Variants in ADAMTSL1 observed in about 807,000 individuals in gnomAD.
ADAMTSL1 encodes ADAMTS-like protein 1.
In ADAMTSL1, 126 loss-of-function variants were observed where a neutral mutation model predicts 201.8. The observed-to-expected ratio is 0.62, with a 90% CI of 0.54 to 0.72. The LOEUF (loss-of-function observed/expected upper bound fraction) is 0.72, where lower values mean the gene tolerates loss of function less well. Ranked by LOEUF, ADAMTSL1 falls within the 30% of genes least tolerant of loss-of-function variation. The pLI is 0.00. For synonymous variants in ADAMTSL1, 1,121 were observed against 903.4 expected (o/e 1.24, Z -4.32); for missense variants, 2,679 against 2,277.8 (o/e 1.18, Z -3.59).
At chr9:18,762,518 CTTTTT>C (rs954136770) in intron 16 of ADAMTSL1, among the ~76,000 whole-genome samples, 5 of 151,998 alleles carry the variant, frequency 3.3e-5, no homozygotes, top group African/African-American at 1.2e-4. Flanking sequence ...CAATTACACT[CTTTTT>C]AAGTTTTTTT....
intron 2 of ADAMTSL1, among the ~76,000 whole-genome samples, chr9:18,332,946 G>A (rs946391119): frequency 5.3e-5 from 8 of 152,092 alleles, no homozygotes; most frequent in Non-Finnish European, 1.0e-4. Flanking sequence ...ATCTGTAAGC[G>A]TATGAGGAAT....
intron 2 of ADAMTSL1, among the ~76,000 whole-genome samples, chr9:18,271,819 A>G (rs1296834794): frequency 6.6e-6 from 1 of 152,108 alleles, no homozygotes; most frequent in Non-Finnish European, 1.5e-5. Context: ...CTATTTCTCC[A>G]CATCCTCTCC....
In ADAMTSL1 at chr9:18,205,989, G is replaced by A. The variant is rs534643077; in HGVS notation, c.207+42008G>A. Among the ~76,000 whole-genome samples, 277 of 129,698 alleles carry A rather than the reference G, an allele frequency of 2.1e-3. 1 individual carries two copies. Among genetic ancestry groups the A allele is most frequent in the African/African-American group, 7.1e-3 (246 of 34,534 alleles). 85.1% of individuals were successfully genotyped at this position (129,698 alleles called of 152,430 possible). A position where few individuals can be genotyped will look rare whatever the true frequency, so the allele number is the denominator to read the frequency against. On this transcript the variant is annotated intron_variant, in intron 2 of 29. Transcript: ENST00000680146. ...GAATCACTTGAAACCGGGAGACAGA[G>A]TTTGCAGTGAGCTGAGATCACGTCA...
chr9:18,193,653 A>G (rs981688902), intron 2 of ADAMTSL1, among the ~76,000 whole-genome samples: 2 of 152,168 alleles, frequency 1.3e-5, no homozygotes, highest in Admixed American at 1.3e-4. Flanking sequence ...AAATAGAACT[A>G]CAATTTGTCA....
At chr9:18,564,862 A>G (rs1821775425) in intron 3 of ADAMTSL1, among the ~76,000 whole-genome samples, 1 of 152,218 alleles carries the variant, frequency 6.6e-6, no homozygotes, top group Non-Finnish European at 1.5e-5. Flanking sequence ...CAAGGAATGA[A>G]TATTTTCAAA....
chr9:18,206,496 C>T (rs577281817), intron 2 of ADAMTSL1, among the ~76,000 whole-genome samples: 12 of 152,002 alleles, frequency 7.9e-5, no homozygotes, highest in Non-Finnish European at 1.6e-4. Context: ...TTCTCATGAC[C>T]CCTACTGTGT....
rs1333046748 is a variant in ADAMTSL1 at position 18,657,702 on chromosome 9, C to T, written c.898C>T (p.Arg300Ter). ...QFIFYQPIIH[R>*]WRETDFFPCS... ...CATCTTCTATCAACCCATCATCCAC[C>T]GATGGAGGGAGACGGATTTCTTTCC... Residue 300 changes from arginine (R) to a stop codon, truncating the protein, a stop_gained, in exon 8 of 29, where the codon CGA becomes TGA. Coordinates refer to ENST00000380548, the MANE Select transcript of ADAMTSL1 (RefSeq NM_001040272.6). LOFTEE classifies it high-confidence loss of function. 1.2e-6 allele frequency: 2 copies of T among 1,614,084 alleles called. No individual in the cohort carries two copies. Among genetic ancestry groups the T allele is most frequent in the African/African-American group, 1.3e-5 (1 of 74,944 alleles).
chr9:18,213,596 G>A (rs748526224), intron 2 of ADAMTSL1, among the ~76,000 whole-genome samples: 6 of 152,156 alleles, frequency 3.9e-5, no homozygotes, highest in Non-Finnish European at 7.3e-5. Flanking sequence ...TAGAAAATGA[G>A]GACGTTCTGT....
At chr9:18,146,253 C>T (rs1826634875) in intron 1 of ADAMTSL1, among the ~76,000 whole-genome samples, 1 of 152,114 alleles carries the variant, frequency 6.6e-6, no homozygotes, top group Non-Finnish European at 1.5e-5. Flanking sequence ...TAGGTATTTA[C>T]TCAACCAATT....
chr9:18,095,620 C>G (rs1012828148), intron 1 of ADAMTSL1, among the ~76,000 whole-genome samples: 1 of 151,890 alleles, frequency 6.6e-6, no homozygotes, highest in East Asian at 1.9e-4. Flanking sequence ...GATGGGGTTT[C>G]GCCATGTTGG....
At chr9:18,247,457 C>G (rs1053682582) in intron 2 of ADAMTSL1, among the ~76,000 whole-genome samples, 1 of 152,114 alleles carries the variant, frequency 6.6e-6, no homozygotes, top group African/African-American at 2.4e-5. Context: ...AAAGTTCTCT[C>G]TCTTGTGGAG....
chr9:18,241,503 C>T (rs1831060526), intron 2 of ADAMTSL1, among the ~76,000 whole-genome samples: 1 of 152,060 alleles, frequency 6.6e-6, no homozygotes, highest in African/African-American at 2.4e-5. Flanking sequence ...ATTCCCTTCT[C>T]AAGCTCTGAG....
At chr9:18,807,909 C>T (rs572164405) in intron 20 of ADAMTSL1, among the ~76,000 whole-genome samples, 2 of 152,226 alleles carry the variant, frequency 1.3e-5, no homozygotes, top group East Asian at 3.9e-4. Flanking sequence ...TAGTTAATAT[C>T]AATGTGATTG....
chr9:17,988,514 T>C (rs1819013810), intron 1 of ADAMTSL1, among the ~76,000 whole-genome samples: 1 of 151,802 alleles, frequency 6.6e-6, no homozygotes, highest in African/African-American at 2.4e-5. Context: ...GTGTTATTAG[T>C]TATATAATTA....
At chr9:18,343,956 C>G (rs1275876239) in intron 2 of ADAMTSL1, among the ~76,000 whole-genome samples, 1 of 152,110 alleles carries the variant, frequency 6.6e-6, no homozygotes, top group African/African-American at 2.4e-5. Flanking sequence ...TCCTGAGGCC[C>G]AGGAGAATGT....
intron 26 of ADAMTSL1, among the ~76,000 whole-genome samples, chr9:18,897,049 T>C (rs1829685387): frequency 6.6e-6 from 1 of 152,226 alleles, no homozygotes; most frequent in Non-Finnish European, 1.5e-5. Flanking sequence ...TGTTCTAGCC[T>C]GCCAGTTCCA....
At chr9:17,919,571 T>C (rs1826226758) in intron 1 of ADAMTSL1, among the ~76,000 whole-genome samples, 1 of 152,140 alleles carries the variant, frequency 6.6e-6, no homozygotes, top group Non-Finnish European at 1.5e-5. Context: ...AATTATATAA[T>C]ATGTGGACTT....
intron 7 of ADAMTSL1, among the ~76,000 whole-genome samples, chr9:18,653,405 T>C (rs533529877): frequency 1.3e-5 from 2 of 152,162 alleles, no homozygotes; most frequent in Admixed American, 6.5e-5. Flanking sequence ...TTAGACAACA[T>C]TATACCTGTT....
intron 1 of ADAMTSL1, among the ~76,000 whole-genome samples, chr9:18,124,549 G>A (rs1046988492): frequency 3.3e-5 from 5 of 151,988 alleles, no homozygotes; most frequent in African/African-American, 1.2e-4. Flanking sequence ...TTACTTTGTT[G>A]GGAATGTCCT....
Sources: allele counts gnomAD v4.1 joint callset (sites outside exome capture counted in the v4.1 genomes callset), GRCh38; gene constraint gnomAD v4.1.1; transcripts MANE v1.5; gene names NCBI Gene and HGNC (gene_info 2026-07-23, HGNC 2026-07-21).